EMSY: variants seen among roughly 807,000 people sequenced by gnomAD.
The protein encoded by EMSY is BRCA2-interacting transcriptional repressor EMSY.
A neutral mutation model predicts 134.6 loss-of-function variants in EMSY; 26 were observed. That is an observed-to-expected ratio of 0.19 (90% CI 0.14 to 0.27). The LOEUF (loss-of-function observed/expected upper bound fraction) is 0.27. Among genes scored for constraint, EMSY ranks in the 10% least tolerant of loss-of-function variants. The probability of loss-of-function intolerance (pLI) is 1.00; values close to 1 mark genes in which losing one functional copy is unlikely to be tolerated. For synonymous variants in EMSY, 579 were observed against 577.8 expected, an observed-to-expected ratio of 1.00 and a Z score of -0.03; for missense variants, 1,305 against 1,611.4, an observed-to-expected ratio of 0.81 and a Z score of 3.26.
In EMSY at chr11:76,526,234, C is replaced by T. The variant is rs185282435; in HGVS notation, c.1822-228C>T. 2.6e-5 allele frequency among the ~76,000 whole-genome samples: 4 copies of T among 152,184 alleles called. No individual in the cohort carries two copies. In the East Asian group the frequency reaches 5.8e-4, roughly 22 times the overall value. On this transcript the variant is annotated intron_variant, in intron 12 of 20. Coordinates refer to ENST00000334736, the Ensembl canonical transcript of EMSY. ...ATGTGGTAATTTTTTAAAATTCGCT[C>T]ATCAGAGAATAATTAATTCCTTCTT...
At chr11:76,496,721 A>G (rs994928335) in intron 9 of EMSY, 6 of 507,150 alleles carry the variant, frequency 1.2e-5, no homozygotes, top group Admixed American at 9.0e-5. Context: ...TTTTGTTAGT[A>G]TATAAAAATA....
At chr11:76,545,318 A>G (rs1951603192) in intron 19 of EMSY, among the ~76,000 whole-genome samples, 1 of 152,198 alleles carries the variant, frequency 6.6e-6, no homozygotes, top group Non-Finnish European at 1.5e-5. Context: ...GATAATTGAA[A>G]GCAAAATTAT....
intron 9 of EMSY, among the ~76,000 whole-genome samples, chr11:76,501,476 T>C (rs1949854770): frequency 6.6e-6 from 1 of 152,098 alleles, no homozygotes; most frequent in Non-Finnish European, 1.5e-5. Flanking sequence ...TAAAGATCAA[T>C]AAAGAGATAG....
chr11:76,504,457 A>G (rs1449998552), intron 9 of EMSY, among the ~76,000 whole-genome samples: 1 of 152,178 alleles, frequency 6.6e-6, no homozygotes, highest in Non-Finnish European at 1.5e-5. Flanking sequence ...TTATCAGGTA[A>G]GTACACATCA....
chr11:76,496,302 A>T, exon 9 of EMSY: 1 of 1,614,180 alleles, frequency 6.2e-7, no homozygotes, highest in Non-Finnish European at 8.5e-7. Flanking sequence ...ATTCTTGCAC[A>T]GTTCCCTAAA....
intron 2 of EMSY, among the ~76,000 whole-genome samples, chr11:76,448,377 C>T (rs1005501096): frequency 6.6e-6 from 1 of 151,286 alleles, no homozygotes; most frequent in Non-Finnish European, 1.5e-5. Flanking sequence ...AGATAGTTTT[C>T]TACACTTGCA....
intron 14 of EMSY, among the ~76,000 whole-genome samples, chr11:76,535,467 C>T (rs545143718): frequency 6.6e-6 from 1 of 152,296 alleles, no homozygotes; most frequent in South Asian, 2.1e-4. Context: ...AAGACTCCTA[C>T]AGCATTTTGT....
intron 2 of EMSY, among the ~76,000 whole-genome samples, chr11:76,448,454 T>C (rs912721208): frequency 3.9e-5 from 6 of 152,134 alleles, no homozygotes; most frequent in African/African-American, 1.4e-4. Flanking sequence ...ATAGCTGAAA[T>C]TGCAGAACAT....
intron 7 of EMSY, among the ~76,000 whole-genome samples, chr11:76,467,714 G>A (rs758379090): frequency 2.0e-4 from 31 of 152,158 alleles, no homozygotes; most frequent in Non-Finnish European, 3.7e-4. Context: ...ATCATAGGCC[G>A]GGTGTGGTGG....
At chr11:76,527,768 G>A (rs79361634) in intron 13 of EMSY, among the ~76,000 whole-genome samples, 2,497 of 150,152 alleles carry the variant, frequency 0.017, 49 homozygotes, top group East Asian at 0.09. Flanking sequence ...ATTTGATTTA[G>A]TTTCTAATGA....
intron 8 of EMSY, among the ~76,000 whole-genome samples, chr11:76,479,783 G>A (rs1237122449): frequency 2.6e-5 from 4 of 152,290 alleles, no homozygotes; most frequent in Admixed American, 2.0e-4. Flanking sequence ...TGCTGAAATC[G>A]TGAACAGAAG....
intron 8 of EMSY, among the ~76,000 whole-genome samples, chr11:76,478,372 C>T (rs1948847110): frequency 7.6e-6 from 1 of 131,146 alleles, no homozygotes; most frequent in Non-Finnish European, 1.6e-5. Context: ...GAGACTGAGT[C>T]TCGCTCTGTT....
At chr11:76,502,321 T>C (rs1214647935) in intron 9 of EMSY, among the ~76,000 whole-genome samples, 1 of 78,502 alleles carries the variant, frequency 1.3e-5, no homozygotes, top group Non-Finnish European at 2.5e-5. Flanking sequence ...AGCATCCAGA[T>C]TGAAACAGAA....
chr11:76,472,336 G>A (rs1032568140), intron 7 of EMSY, among the ~76,000 whole-genome samples: 5 of 152,168 alleles, frequency 3.3e-5, no homozygotes, highest in East Asian at 1.9e-4. Flanking sequence ...CTTATACAGC[G>A]TTGATGTTAT....
At chr11:76,483,199 T>C (rs1448427717) in intron 8 of EMSY, among the ~76,000 whole-genome samples, 2 of 152,122 alleles carry the variant, frequency 1.3e-5, no homozygotes, top group African/African-American at 4.8e-5. Flanking sequence ...GACAAGCAAA[T>C]GCTGAGAGAT....
chr11:76,521,696 G>A (rs925852306), intron 11 of EMSY, among the ~76,000 whole-genome samples: 1 of 151,328 alleles, frequency 6.6e-6, no homozygotes, highest in African/African-American at 2.4e-5. Context: ...CCCAGGAGTT[G>A]AAGCCTGCAG....
In EMSY at chr11:76,518,703, A is replaced by ATATATTTTTT. The variant is rs57143914; in HGVS notation, c.1684+2392_1684+2393insATATTTTTTT. ...TGCGCGCATATATATATATATATAT[A>ATATATTTTTT]TTTTTTTTTTAATTGGGATCTAATA... On this transcript the variant is annotated intron_variant, in intron 11 of 20. Coordinates refer to ENST00000334736, the Ensembl canonical transcript of EMSY. 6.0e-4 allele frequency among the ~76,000 whole-genome samples: 78 copies of ATATATTTTTT among 130,186 alleles called. 1 individual carries two copies. Among genetic ancestry groups the ATATATTTTTT allele is most frequent in the African/African-American group, 5.8e-4 (20 of 34,514 alleles). The allele number at this position is 130,186 out of a possible 152,430, so 85.4% of individuals were successfully genotyped here.
At chr11:76,518,703 A>ATATTT (rs57143914) in intron 11 of EMSY, among the ~76,000 whole-genome samples, 59 of 130,188 alleles carry the variant, frequency 4.5e-4, no homozygotes, top group African/African-American at 9.8e-4. Context: ...ATATATATAT[A>ATATTT]TTTTTTTTTT....
chr11:76,508,988 C>T (rs1950177822), intron 9 of EMSY, among the ~76,000 whole-genome samples: 1 of 152,100 alleles, frequency 6.6e-6, no homozygotes, highest in African/African-American at 2.4e-5. Flanking sequence ...GCAGTCAGAG[C>T]ACACACAACA....
Sources: gnomAD v4.1 joint callset for allele counts (sites outside exome capture counted in the v4.1 genomes callset) on GRCh38, gnomAD v4.1.1 for gene constraint, MANE v1.5 for transcripts, NCBI Gene and HGNC (gene_info 2026-07-23, HGNC 2026-07-21) for gene names.